Variants in NELL1 observed in about 807,000 individuals in gnomAD.
The protein encoded by NELL1 is protein kinase C-binding protein NELL1.
In NELL1, 76 loss-of-function variants were observed where a neutral mutation model predicts 107.4. The observed-to-expected ratio is 0.71, with a 90% CI of 0.59 to 0.86. The LOEUF is 0.86. NELL1 is among the 40% of genes least tolerant of loss of function. The pLI is 0.00. For synonymous variants in NELL1, 353 were observed against 341.2 expected (o/e 1.03, Z -0.38); for missense variants, 1,024 against 1,005.5 (o/e 1.02, Z -0.25).
rs964232091 is a variant in NELL1, at chr11:20,692,857, C to T, written c.184+14797C>T. On this transcript the variant is annotated intron_variant, in intron 2 of 19. Coordinates refer to ENST00000357134, the MANE Select transcript of NELL1 (RefSeq NM_006157.5). ...GGGTATACTTGTTAACTTTCTGTCT[C>T]GTTGATCTGTCTAATGTTGACAGTG... 2.0e-5 allele frequency among the ~76,000 whole-genome samples: 3 copies of T among 152,132 alleles called. No homozygotes were observed. In the South Asian group the frequency reaches 6.2e-4, roughly 32 times the overall value.
chr11:21,399,559 G>T (rs186195065), intron 15 of NELL1, among the ~76,000 whole-genome samples: 3 of 151,870 alleles, frequency 2.0e-5, no homozygotes, highest in African/African-American at 7.2e-5. Flanking sequence ...AAAATGTATT[G>T]AACATTATAT....
intron 19 of NELL1, among the ~76,000 whole-genome samples, chr11:21,574,059 C>G (rs1026832662): frequency 2.0e-5 from 3 of 151,770 alleles, no homozygotes; most frequent in African/African-American, 7.3e-5. Flanking sequence ...CTTCAAAGCT[C>G]ATGAAGAGCT....
In NELL1 at chr11:20,861,125, T is replaced by C. The variant is rs528648347; in HGVS notation, c.506+13372T>C. On this transcript the variant is annotated intron_variant, in intron 4 of 19. Coordinates refer to ENST00000357134, the MANE Select transcript of NELL1 (RefSeq NM_006157.5). ...GTTTTTCTTTAATTTTTAAAAATTATGTAAGGTGCAAAGTATTTAAAGATA... is the reference window on the plus strand; with the variant it reads ...GTTTTTCTTTAATTTTTAAAAATTACGTAAGGTGCAAAGTATTTAAAGATA... Among the ~76,000 whole-genome samples the C allele has an allele frequency of 5.9e-5, 9 of 152,330 alleles. No individual in the cohort carries two copies. The South Asian group carries it at 8.3e-4, about 14-fold the overall frequency.
chr11:20,701,593 T>C (rs1192618668), intron 2 of NELL1, among the ~76,000 whole-genome samples: 4 of 152,182 alleles, frequency 2.6e-5, no homozygotes, highest in Non-Finnish European at 5.9e-5. Context: ...CATGCCTATG[T>C]CCTGAATGGT....
At chr11:20,947,265 G>A in intron 10 of NELL1, 71 bp from the exon 11 acceptor site, 1 of 998,644 alleles carries the variant, frequency 1.0e-6, no homozygotes, top group East Asian at 2.4e-5. Flanking sequence ...TATTAACAAA[G>A]AACATTATAA....
At chr11:20,892,548 G>T (rs889783902) in intron 5 of NELL1, among the ~76,000 whole-genome samples, 1 of 152,178 alleles carries the variant, frequency 6.6e-6, no homozygotes, top group Non-Finnish European at 1.5e-5. Context: ...ATCTATGACC[G>T]GAAACACCAT....
chr11:20,918,953 T>C (rs1172544223), intron 6 of NELL1, among the ~76,000 whole-genome samples: 1 of 152,072 alleles, frequency 6.6e-6, no homozygotes, highest in Non-Finnish European at 1.5e-5. Flanking sequence ...TCTTCTATGA[T>C]ACTTCACATT....
rs764150587 is a variant in NELL1, at chr11:21,511,521, T to C, written c.1646-22853T>C. 5.4e-4 allele frequency among the ~76,000 whole-genome samples: 82 copies of C among 152,228 alleles called. 1 individual carries two copies. The highest frequency in any genetic ancestry group is 3.2e-4 in the Non-Finnish European group (22 of 68,022). ...TGAAGGAAGAGAGACAATAAAGATA[T>C]ATGCTGGATCATCTCAAATACTGGT... On this transcript the variant is annotated intron_variant, in intron 15 of 19. Transcript: ENST00000357134.
At chr11:20,846,177 A>G (rs560163666) in intron 3 of NELL1, among the ~76,000 whole-genome samples, 18 of 152,286 alleles carry the variant, frequency 1.2e-4, no homozygotes, top group African/African-American at 4.3e-4. Context: ...GACCTTGGGC[A>G]TGATTCTTTG....
chr11:21,414,046 C>A (rs1197307494), intron 15 of NELL1, among the ~76,000 whole-genome samples: 1 of 152,006 alleles, frequency 6.6e-6, no homozygotes, highest in Non-Finnish European at 1.5e-5. Context: ...CACAAACTCA[C>A]CTAGAATTAA....
At chr11:21,471,006 A>T (rs1458539565) in intron 15 of NELL1, among the ~76,000 whole-genome samples, 1 of 152,100 alleles carries the variant, frequency 6.6e-6, no homozygotes, top group Non-Finnish European at 1.5e-5. Flanking sequence ...ATTGTCATCA[A>T]TCCTTATCAT....
chr11:21,147,858 A>G (rs891539662), intron 13 of NELL1, among the ~76,000 whole-genome samples: 2 of 150,742 alleles, frequency 1.3e-5, no homozygotes, highest in Non-Finnish European at 3.0e-5. Context: ...AAAAAAAAAA[A>G]AAAAAAAGAA....
At chr11:20,700,718 C>G (rs901920841) in intron 2 of NELL1, among the ~76,000 whole-genome samples, 2 of 151,942 alleles carry the variant, frequency 1.3e-5, no homozygotes, top group Non-Finnish European at 2.9e-5. Flanking sequence ...TCCAAGTGCT[C>G]TCATTGTTCA....
In NELL1 at chr11:21,555,326, G is replaced by C. The variant is rs5003658; in HGVS notation, c.1787-4863G>C. Among the ~76,000 whole-genome samples the C allele has an allele frequency of 4.0e-3, 613 of 151,916 alleles. 5 individuals are homozygous for C. Among genetic ancestry groups the C allele is most frequent in the African/African-American group, 0.014 (582 of 41,478 alleles). On this transcript the variant is annotated intron_variant, in intron 16 of 19. Transcript: ENST00000357134. Reference sequence around the variant, plus strand: ...TTTGTTATAATACTTTTTAAGCAAGGGTGATGATTTTGCAAACTAGTGGTT... The same window carrying C: ...TTTGTTATAATACTTTTTAAGCAAGCGTGATGATTTTGCAAACTAGTGGTT...
At chr11:20,923,769 A>G (rs1850431366) in intron 7 of NELL1, among the ~76,000 whole-genome samples, 1 of 152,218 alleles carries the variant, frequency 6.6e-6, no homozygotes, top group Non-Finnish European at 1.5e-5. Flanking sequence ...AGCTTGTGAC[A>G]TCTTTAATTT....
At chr11:21,338,466 T>C (rs1420189798) in intron 14 of NELL1, among the ~76,000 whole-genome samples, 1 of 152,166 alleles carries the variant, frequency 6.6e-6, no homozygotes, top group South Asian at 2.1e-4. Context: ...TGTGTGAGAT[T>C]TTCTATTCTA....
intron 3 of NELL1, among the ~76,000 whole-genome samples, chr11:20,826,527 G>T (rs1857887717): frequency 6.6e-6 from 1 of 151,232 alleles, no homozygotes; most frequent in African/African-American, 2.4e-5. Context: ...CACACCAGGG[G>T]ACAGCTGGCA....
intron 1 of NELL1, among the ~76,000 whole-genome samples, chr11:20,676,253 C>G (rs183510803): frequency 6.8e-6 from 1 of 146,504 alleles, no homozygotes; most frequent in Non-Finnish European, 1.5e-5. Context: ...AAAGTAGGAC[C>G]CCCCCATCCA....
intron 12 of NELL1, among the ~76,000 whole-genome samples, chr11:21,063,851 A>G (rs550422428): frequency 1.2e-4 from 18 of 152,364 alleles, no homozygotes; most frequent in Admixed American, 1.2e-3. Flanking sequence ...TAATAAATCA[A>G]TTATAAAAAC....
Sources: gnomAD v4.1 joint callset for allele counts (sites outside exome capture counted in the v4.1 genomes callset) on GRCh38, gnomAD v4.1.1 for gene constraint, MANE v1.5 for transcripts, NCBI Gene and HGNC (gene_info 2026-07-23, HGNC 2026-07-21) for gene names.